The following EPB41L1 variants were observed in gnomAD, a reference collection of about 807,000 sequenced individuals.
EPB41L1 encodes the protein band 4.1-like protein 1.
In EPB41L1, 29 loss-of-function variants were observed where a neutral mutation model predicts 97.8. The ratio of observed to expected loss-of-function variants is 0.30; its 90% CI spans 0.22 to 0.40. The LOEUF (loss-of-function observed/expected upper bound fraction) is 0.40. Ranked by LOEUF, EPB41L1 falls within the 10% of genes least tolerant of loss-of-function variation. EPB41L1 has a pLI of 1.00. For missense variants in EPB41L1, 812 were observed against 1,162.3 expected, an observed-to-expected ratio of 0.70 and a Z score of 4.38; for synonymous variants, 383 against 459.2, an observed-to-expected ratio of 0.83 and a Z score of 2.12.
intron 5 of EPB41L1, among the ~76,000 whole-genome samples, chr20:36,179,944 A>G (rs898539051): frequency 6.6e-6 from 1 of 152,206 alleles, no homozygotes; most frequent in Non-Finnish European, 1.5e-5. Context: ...CCTGTCTCTC[A>G]TGACTAAAGG....
Position 36,146,445 on chromosome 20 carries a change from C to T in EPB41L1, c.-9-29106C>T, listed in dbSNP as rs146948142. Among the ~76,000 whole-genome samples, 750 of 152,286 alleles carry T rather than the reference C, an allele frequency of 4.9e-3. 2 individuals are homozygous for T. Among genetic ancestry groups the T allele is most frequent in the Middle Eastern group, 0.017 (5 of 294 alleles). ...TAAAAGCCACAGAGGGCCCAGTTGG[C>T]GAGGGGAGTCCGGCAGGAGCTGCCT... On this transcript the variant is annotated intron_variant, in intron 2 of 19. Transcript: ENST00000202028.
intron 20 of EPB41L1, 50 bp from the exon 21 acceptor site, chr20:36,222,228 C>A: frequency 6.6e-7 from 1 of 1,508,628 alleles, no homozygotes; most frequent in South Asian, 1.1e-5. Flanking sequence ...CACAGTCTCT[C>A]TCGTCTTGGA....
intron 1 of EPB41L1, among the ~76,000 whole-genome samples, chr20:36,173,296 G>T (rs995188783): frequency 6.6e-6 from 1 of 152,224 alleles, no homozygotes; most frequent in Non-Finnish European, 1.5e-5. Context: ...GTATGAAGAG[G>T]TGTGTCCAGC....
intron 1 of EPB41L1, among the ~76,000 whole-genome samples, chr20:36,105,709 C>A (rs570722473): frequency 6.6e-6 from 1 of 152,178 alleles, no homozygotes; most frequent in Non-Finnish European, 1.5e-5. Flanking sequence ...CAGCCTCTAT[C>A]CCCTTGCAAA....
rs1600873729 is a variant in EPB41L1, at chr20:36,195,614, C to G, written c.1485+250C>G. 6.6e-6 allele frequency among the ~76,000 whole-genome samples: 1 copy of G among 152,294 alleles called. No individual in the cohort carries two copies. Among genetic ancestry groups the G allele is most frequent in the East Asian group, 1.9e-4 (1 of 5,170 alleles). The stretch of plus-strand genomic sequence containing the variant: ...ATCTCTCCCTCCTCCCTCAGCCCTC[C>G]CACCCTCTCCCCAGCTCACCCGGTC... On this transcript the variant is annotated intron_variant, in intron 13 of 21. Transcript: ENST00000338074. This position sits in a 1 kb window ranked among gnomAD's most constrained non-coding sequence, Gnocchi z 4.6.
intron 1 of EPB41L1, chr20:36,155,341 G>A (rs150611803): frequency 2.8e-6 from 1 of 363,628 alleles, no homozygotes; most frequent in South Asian, 2.0e-5. Context: ...ACCCTTCCCC[G>A]CTCTGGGCTT....
Position 36,219,828 on chromosome 20 carries a change from C to A in EPB41L1, c.2423C>A (p.Thr808Asn). Residue 808 changes from threonine (T) to asparagine (N), a missense_variant, in exon 19 of 22, where the codon ACC becomes AAC. Coordinates refer to ENST00000338074, the MANE Select transcript of EPB41L1 (RefSeq NM_012156.2). ...ATAETLSTST[T>N]THVTKTVKGG... ...GCGGAAACCCTCTCAACCTCCACCA[C>A]CACCCATGTCACCAAAGTGAGTAGC... is the stretch of plus-strand genomic sequence containing the variant. The A allele has an allele frequency of 6.2e-7, 1 of 1,614,218 alleles. No homozygotes were observed. The highest frequency in any genetic ancestry group is 8.5e-7 in the Non-Finnish European group (1 of 1,180,008).
upstream of EPB41L1, chr20:36,149,827 A>G (rs1300507206): frequency 6.6e-6 from 1 of 152,368 alleles, no homozygotes; most frequent in Non-Finnish European, 1.5e-5. Flanking sequence ...CCTCACCTTT[A>G]ACCCAGCTTG....
chr20:36,098,917 A>G (rs2057919878), intron 1 of EPB41L1, among the ~76,000 whole-genome samples: 1 of 152,072 alleles, frequency 6.6e-6, no homozygotes, highest in Non-Finnish European at 1.5e-5. Context: ...TCAGATTTGT[A>G]TTTCAAATTT....
chr20:36,099,914 C>T (rs1300953247), intron 1 of EPB41L1, among the ~76,000 whole-genome samples: 2 of 152,182 alleles, frequency 1.3e-5, no homozygotes, highest in African/African-American at 4.8e-5. Flanking sequence ...AGGAGAGTGT[C>T]CTGCTGTCAG....
At chr20:36,223,197 C>G (rs2063896671) in intron 21 of EPB41L1, among the ~76,000 whole-genome samples, 1 of 151,980 alleles carries the variant, frequency 6.6e-6, no homozygotes, top group Admixed American at 6.6e-5. Context: ...CGCACCCAGC[C>G]TAATTTTTAT....
At chr20:36,162,514 C>T (rs2060574230) in intron 1 of EPB41L1, among the ~76,000 whole-genome samples, 1 of 152,152 alleles carries the variant, frequency 6.6e-6, no homozygotes, top group African/African-American at 2.4e-5. Flanking sequence ...ATAAGCTCAC[C>T]TACTCCGTGT....
intron 1 of EPB41L1, among the ~76,000 whole-genome samples, chr20:36,097,612 C>G (rs903491657): frequency 7.9e-5 from 12 of 152,196 alleles, no homozygotes; most frequent in African/African-American, 2.9e-4. Context: ...TGTAAAGATG[C>G]AATACCACCG....
intron 1 of EPB41L1, among the ~76,000 whole-genome samples, chr20:36,159,366 A>G (rs1297762497): frequency 2.6e-5 from 4 of 152,256 alleles, no homozygotes; most frequent in African/African-American, 9.6e-5. Flanking sequence ...TCCACTGGAT[A>G]AAATAATACG....
intron 2 of EPB41L1, among the ~76,000 whole-genome samples, chr20:36,126,054 T>C (rs886499942): frequency 2.0e-5 from 3 of 152,164 alleles, no homozygotes; most frequent in Non-Finnish European, 2.9e-5. Flanking sequence ...GTATGGACAG[T>C]GCATGTGGGT....
chr20:36,225,075 G>T (rs1483081216), intron 21 of EPB41L1, among the ~76,000 whole-genome samples: 1 of 152,232 alleles, frequency 6.6e-6, no homozygotes. Context: ...GCCCGACTCG[G>T]CCTCCCAAAG....
At chr20:36,111,949 T>A (rs2147598009) in intron 1 of EPB41L1, among the ~76,000 whole-genome samples, 1 of 152,158 alleles carries the variant, frequency 6.6e-6, no homozygotes, top group East Asian at 1.9e-4. Context: ...GGGCCCCTGC[T>A]CTCCCTTCTC....
At position 36,232,412 on chromosome 20, in the gene EPB41L1, CA is replaced by C. The variant is rs2147270907; in HGVS notation, c.*3076del. The C allele has an allele frequency of 2.6e-6, 1 of 387,280 alleles. No individual in the cohort carries two copies. The highest frequency in any genetic ancestry group is 1.4e-4 in the South Asian group (1 of 6,912). The allele number at this position is 387,280 out of a possible 1,614,324, so 24.0% of individuals were successfully genotyped here. ...TCTTGGGCCTCAGTTTCCCGACTTG[CA>C]AAATAAGCAGAAAGAACCAGATGCT... On this transcript the variant is annotated 3_prime_UTR_variant, in exon 22 of 22. Transcript: ENST00000338074.
chr20:36,130,690 C>A (rs993135571), intron 2 of EPB41L1, among the ~76,000 whole-genome samples: 19 of 152,058 alleles, frequency 1.2e-4, no homozygotes, highest in African/African-American at 4.6e-4. Flanking sequence ...AGTAAACTTG[C>A]CAAACTGCTA....
Sources: gnomAD v4.1 joint callset for allele counts (sites outside exome capture counted in the v4.1 genomes callset) on GRCh38, gnomAD v4.1.1 for gene constraint, Gnocchi (gnomAD v3.1) non-coding constraint, MANE v1.5 for transcripts, NCBI Gene and HGNC (gene_info 2026-07-23, HGNC 2026-07-21) for gene names.